Variants in CAMK4 observed in about 807,000 individuals in gnomAD.
CAMK4 encodes the protein calcium/calmodulin dependent protein kinase IV, also known as calcium/calmodulin-dependent protein kinase type IV.
In CAMK4, 22 loss-of-function variants were observed where a neutral mutation model predicts 44.9. The observed-to-expected ratio is 0.49, with a 90% CI of 0.35 to 0.70. The LOEUF (loss-of-function observed/expected upper bound fraction) is 0.70, where lower values mean the gene tolerates loss of function less well. Ranked by LOEUF, CAMK4 falls within the 30% of genes least tolerant of loss-of-function variation. CAMK4 has a pLI of 0.01. For synonymous variants in CAMK4, 218 were observed against 215.4 expected (o/e 1.01, Z -0.11); for missense variants, 498 against 586.8 (o/e 0.85, Z 1.56).
chr5:111,461,036 A>G (rs1332892377), intron 7 of CAMK4, among the ~76,000 whole-genome samples: 1 of 152,232 alleles, frequency 6.6e-6, no homozygotes, highest in Admixed American at 6.5e-5. Flanking sequence ...AACAGCTTAA[A>G]TGAAAAACAT....
intron 8 of CAMK4, among the ~76,000 whole-genome samples, chr5:111,475,107 G>A (rs1755191131): frequency 6.6e-6 from 1 of 152,146 alleles, no homozygotes; most frequent in Admixed American, 6.5e-5. Flanking sequence ...AGATTGCAGT[G>A]AGCTGAGATC....
chr5:111,404,954 C>T (rs565607090), intron 5 of CAMK4, among the ~76,000 whole-genome samples: 41 of 152,168 alleles, frequency 2.7e-4, no homozygotes, highest in African/African-American at 9.6e-4. Context: ...ATTACTGATT[C>T]CCTAGTTTAT....
At chr5:111,368,962 G>A (rs436759) in intron 2 of CAMK4, among the ~76,000 whole-genome samples, 132,511 of 151,040 alleles carry the variant, frequency 0.88, 58,340 homozygotes, top group East Asian at 1. Flanking sequence ...TTTTTATTCT[G>A]TTTTCAAATG....
chr5:111,493,546 A>G lies in CAMK4; in HGVS notation c.*9080A>G, dbSNP rs1212596155. On this transcript the variant is annotated 3_prime_UTR_variant, in exon 11 of 11. Transcript: ENST00000282356. The surrounding 1 kb of genome is among the most constrained non-coding windows in gnomAD (Gnocchi z 4.1). ...GCAATCCCCCAGGATTTCTGATTGA[A>G]TTCTACCTGAAAGTTTAGATTTTAA... The G allele has an allele frequency of 6.6e-6, 1 of 152,180 alleles. No homozygotes were observed. Among genetic ancestry groups the G allele is most frequent in the Non-Finnish European group, 1.5e-5 (1 of 68,028 alleles). The allele number at this position is 152,180 out of a possible 1,614,324, so 9.4% of individuals were successfully genotyped here.
chr5:111,233,519 A>G (rs1748569682), intron 1 of CAMK4, among the ~76,000 whole-genome samples: 1 of 152,220 alleles, frequency 6.6e-6, no homozygotes, highest in South Asian at 2.1e-4. Context: ...TTAAATTTCC[A>G]TACCGTGAAC....
intron 7 of CAMK4, among the ~76,000 whole-genome samples, chr5:111,456,294 G>A (rs6876858): frequency 0.082 from 12,388 of 151,902 alleles, 1,403 homozygotes; most frequent in African/African-American, 0.26. Flanking sequence ...GAGGTCAGGA[G>A]ATCGAGACCC....
chr5:111,349,837 A>G (rs1440349410), intron 2 of CAMK4, among the ~76,000 whole-genome samples: 1 of 151,988 alleles, frequency 6.6e-6, no homozygotes, highest in Non-Finnish European at 1.5e-5. Flanking sequence ...GAATTTTGGA[A>G]ACAGATATTT....
chr5:111,436,627 A>G (rs759028644), intron 5 of CAMK4, among the ~76,000 whole-genome samples: 2 of 152,282 alleles, frequency 1.3e-5, no homozygotes, highest in East Asian at 3.9e-4. Flanking sequence ...CATTCTCACT[A>G]CTGGAGTCTA....
intron 2 of CAMK4, among the ~76,000 whole-genome samples, chr5:111,353,175 G>A (rs747012100): frequency 3.9e-5 from 6 of 151,968 alleles, no homozygotes; most frequent in African/African-American, 9.7e-5. Context: ...CTGTGTGCCA[G>A]GAACTTTACA....
rs1444743489 is a variant in CAMK4, at chr5:111,281,652, A to G, written c.161+57008A>G. 3.3e-5 allele frequency among the ~76,000 whole-genome samples: 5 copies of G among 152,218 alleles called. No individual in the cohort carries two copies. In the East Asian group the frequency reaches 9.6e-4, roughly 29 times the overall value. Reference sequence around the variant, plus strand: ...AGATATAAGGATAAACATTTGATTTAAGAAGTCAAGTTCATGAGAGTTTGA... The same window carrying G: ...AGATATAAGGATAAACATTTGATTTGAGAAGTCAAGTTCATGAGAGTTTGA... On this transcript the variant is annotated intron_variant, in intron 1 of 10. Coordinates refer to ENST00000282356, the MANE Select transcript of CAMK4 (RefSeq NM_001744.6).
Position 111,486,542 on chromosome 5 carries a change from C to CACACACAT in CAMK4, c.*2076_*2077insACACACAT, listed in dbSNP as rs139004418. On this transcript the variant is annotated 3_prime_UTR_variant, in exon 11 of 11. Transcript: ENST00000282356. ...ACACACACACACACACACACACACACGTGTTGGAAGAGCAAAGAGAGGGAA... is the reference window on the plus strand; with the variant it reads ...ACACACACACACACACACACACACACACACACATGTGTTGGAAGAGCAAAGAGAGGGAA... The CACACACAT allele has an allele frequency of 0.13, 19,598 of 147,164 alleles. 1,681 individuals carry two copies. Among genetic ancestry groups the CACACACAT allele is most frequent in the Non-Finnish European group, 0.16 (10,962 of 67,128 alleles). The allele number at this position is 147,164 out of a possible 1,614,324, so 9.1% of individuals were successfully genotyped here. A position where few individuals can be genotyped will look rare whatever the true frequency, so the allele number is the denominator to read the frequency against.
intron 1 of CAMK4, among the ~76,000 whole-genome samples, chr5:111,331,458 C>T (rs1162898447): frequency 6.6e-6 from 1 of 151,660 alleles, no homozygotes; most frequent in Non-Finnish European, 1.5e-5. Context: ...TGTGGAGCAA[C>T]TAGAACTCTC....
chr5:111,448,329 C>A lies in CAMK4; in HGVS notation c.551-800C>A, dbSNP rs543472442. Among the ~76,000 whole-genome samples the A allele has an allele frequency of 7.2e-5, 11 of 152,236 alleles. No individual in the cohort carries two copies. In the South Asian group the frequency reaches 1.2e-3, roughly 17 times the overall value. Reference sequence around the variant, plus strand: ...GAATGTATTTTCAAGCTGAACAAACCTTTTGATGTTTCTGTTAATTCTCGT... The same window carrying A: ...GAATGTATTTTCAAGCTGAACAAACATTTTGATGTTTCTGTTAATTCTCGT... On this transcript the variant is annotated intron_variant, in intron 6 of 10. Transcript: ENST00000282356.
chr5:111,432,286 G>A (rs745445523), intron 5 of CAMK4, among the ~76,000 whole-genome samples: 14 of 152,046 alleles, frequency 9.2e-5, no homozygotes, highest in Non-Finnish European at 1.6e-4. Context: ...TCACTTATTT[G>A]TAAGTTCTAA....
chr5:111,321,647 A>G (rs1463175304), intron 1 of CAMK4, among the ~76,000 whole-genome samples: 1 of 151,872 alleles, frequency 6.6e-6, no homozygotes, highest in African/African-American at 2.4e-5. Context: ...GTGATCTAAA[A>G]TGGGTAGTTA....
chr5:111,226,438 G>A (rs1359231613), intron 1 of CAMK4, among the ~76,000 whole-genome samples: 3 of 152,180 alleles, frequency 2.0e-5, no homozygotes. Flanking sequence ...CTCAACTTAT[G>A]ATGGTGTTAT....
At chr5:111,324,007 T>C (rs540135330) in intron 1 of CAMK4, among the ~76,000 whole-genome samples, 1 of 152,180 alleles carries the variant, frequency 6.6e-6, no homozygotes, top group Admixed American at 6.6e-5. Context: ...TTAAGATGTT[T>C]ATATTTTACA....
intron 2 of CAMK4, among the ~76,000 whole-genome samples, chr5:111,370,859 G>A (rs1055176128): frequency 1.1e-4 from 16 of 152,074 alleles, no homozygotes; most frequent in Non-Finnish European, 1.5e-4. Context: ...AGGTTGCAGT[G>A]AGCCGAGACT....
intron 1 of CAMK4, among the ~76,000 whole-genome samples, chr5:111,281,330 A>G (rs1580525541): frequency 6.6e-6 from 1 of 152,174 alleles, no homozygotes; most frequent in Admixed American, 6.5e-5. Flanking sequence ...TTCCTGTATT[A>G]GCTTTATAGC....
Sources: gnomAD v4.1 joint callset for allele counts (sites outside exome capture counted in the v4.1 genomes callset) on GRCh38, gnomAD v4.1.1 for gene constraint, Gnocchi (gnomAD v3.1) non-coding constraint, MANE v1.5 for transcripts, NCBI Gene and HGNC (gene_info 2026-07-23, HGNC 2026-07-21) for gene names.